ADRA1D: variants seen among roughly 807,000 people sequenced by gnomAD.
ADRA1D encodes the protein adrenoceptor alpha 1D, also known as alpha-1D adrenergic receptor.
ADRA1D carries 22 observed loss-of-function variants against 18.6 expected under a neutral mutation model. The observed-to-expected ratio is 1.19, with a 90% confidence interval of 0.85 to 1.69. ADRA1D has a LOEUF of 1.69. ADRA1D is among the 40% of genes most tolerant of loss of function. The pLI, the probability that ADRA1D is intolerant of heterozygous loss-of-function variation, is 0.00. For missense variants in ADRA1D, 840 were observed against 840.7 expected (o/e 1.00, Z 0.01); for synonymous variants, 376 against 388.2 (o/e 0.97, Z 0.37).
Position 4,248,806 on chromosome 20 carries a change from C to T in ADRA1D, c.152G>A (p.Gly51Asp). ...PAVGGVPGGA[G>D]GGGGVVGAGS... ...TGCGCCCACCACGCCGCCGCCGCCG[C>T]CCGCGCCCCCCGGCACGCCGCCCAC... Residue 51 changes from glycine (G) to aspartate (D), a missense_variant, in exon 1 of 2, where the codon GGC (glycine) becomes GAC (aspartate). Gly to Asp is a moderately conservative substitution (Grantham distance 94). Coordinates refer to ENST00000379453, the MANE Select transcript of ADRA1D (RefSeq NM_000678.4). The T allele has an allele frequency of 9.1e-7, 1 of 1,099,188 alleles. No individual in the cohort carries two copies. Among genetic ancestry groups the T allele is most frequent in the Non-Finnish European group, 1.1e-6 (1 of 905,034 alleles). 68.1% of individuals were successfully genotyped at this position (1,099,188 alleles called of 1,614,324 possible).
At position 4,221,879 on chromosome 20, in the gene ADRA1D, C is replaced by T. The variant is rs1333152018; in HGVS notation, c.1363G>A (p.Asp455Asn). 1.4e-6 allele frequency: 2 copies of T among 1,469,816 alleles called. No homozygotes were observed. The highest frequency in any genetic ancestry group is 2.7e-5 in the East Asian group (1 of 37,192). 91.0% of individuals were successfully genotyped at this position (1,469,816 alleles called of 1,614,324 possible). The change falls in exon 2 of 2, where the codon GAC becomes AAC. Residue 455 changes from aspartate to asparagine, a missense_variant. By Grantham distance (23) the Asp-to-Asn change is conservative. Transcript: ENST00000379453. ...LRQDCAPSSG[D>N]APPGAPLALT... ...GCCAGCGGCGCTCCGGGGGGCGCGT[C>T]GCCCGAACTCGGGGCGCAGTCCTGG...
Position 4,221,379 on chromosome 20 carries a change from A to T in ADRA1D, c.*144T>A. 1 of 913,472 alleles carries T rather than the reference A, an allele frequency of 1.1e-6. No homozygotes were observed. The allele number at this position is 913,472 out of a possible 1,614,324, so 56.6% of individuals were successfully genotyped here. ...AGGGCTCCAGCCTCAAGCTCTGCCC[A>T]GTTCCTCAGGGATGTCACAGAGCAG... On this transcript the variant is annotated 3_prime_UTR_variant, in exon 2 of 2. Transcript: ENST00000379453.
At chr20:4,241,963 G>A (rs999266636) in intron 1 of ADRA1D, among the ~76,000 whole-genome samples, 11 of 152,196 alleles carry the variant, frequency 7.2e-5, no homozygotes, top group African/African-American at 2.7e-4. Flanking sequence ...ACAGCCTGAT[G>A]GCTCTGCATA....
At chr20:4,245,058 G>C (rs957653050) in intron 1 of ADRA1D, among the ~76,000 whole-genome samples, 9 of 152,236 alleles carry the variant, frequency 5.9e-5, no homozygotes, top group African/African-American at 2.2e-4. Flanking sequence ...TGCCAGCAAG[G>C]AGCAAAGGTC....
At chr20:4,231,981 T>A (rs896889331) in intron 1 of ADRA1D, among the ~76,000 whole-genome samples, 3 of 152,152 alleles carry the variant, frequency 2.0e-5, no homozygotes, top group Non-Finnish European at 4.4e-5. Flanking sequence ...GGCGTGATCC[T>A]GGCTCACTGC....
intron 1 of ADRA1D, among the ~76,000 whole-genome samples, chr20:4,235,821 A>AGGGTGCACGGTGGGGCTGGG (rs1981075230): frequency 1.3e-5 from 2 of 152,244 alleles, no homozygotes; most frequent in East Asian, 1.9e-4. Context: ...CAGCGTGCTC[A>AGGGTGCACGGTGGGGCTGGG]GGGTGCACGG....
At chr20:4,245,304 G>A (rs770202840) in intron 1 of ADRA1D, among the ~76,000 whole-genome samples, 2 of 152,298 alleles carry the variant, frequency 1.3e-5, no homozygotes, top group East Asian at 1.9e-4. Flanking sequence ...ACGGTGATAC[G>A]CATGGCAAGG....
chr20:4,223,157 A>C (rs772720630), intron 1 of ADRA1D, among the ~76,000 whole-genome samples: 60 of 147,806 alleles, frequency 4.1e-4, no homozygotes, highest in Non-Finnish European at 7.0e-4. Flanking sequence ...AGATAATTCA[A>C]TAGAGAAAGG....
intron 1 of ADRA1D, 47 bp downstream of exon 1, chr20:4,247,800 T>C (rs1981369756): frequency 6.9e-7 from 1 of 1,449,106 alleles, no homozygotes; most frequent in Non-Finnish European, 9.1e-7. Flanking sequence ...GGCACCGCCA[T>C]AGGCTCAGGG....
intron 1 of ADRA1D, among the ~76,000 whole-genome samples, chr20:4,235,193 G>A (rs536062542): frequency 4.6e-5 from 7 of 152,010 alleles, no homozygotes; most frequent in South Asian, 2.1e-4. Context: ...CTGTGCCCTC[G>A]TGTTTGCTTC....
chr20:4,221,855 C>A lies in ADRA1D; in HGVS notation c.1387G>T (p.Ala463Ser), dbSNP rs1356785793. The stretch of plus-strand genomic sequence containing the variant: ...TCGGGGTCGGGGAGCGCGGTGAGGG[C>A]CAGCGGCGCTCCGGGGGGCGCGTCG... ...SGDAPPGAPL[A>S]LTALPDPDPE... Residue 463 changes from alanine (A) to serine (S), a missense_variant, in exon 2 of 2, where the codon GCC (alanine) becomes TCC (serine). Transcript: ENST00000379453. 6.8e-7 allele frequency: 1 copy of A among 1,470,160 alleles called. No homozygotes were observed. The highest frequency in any genetic ancestry group is 2.6e-5 in the East Asian group (1 of 37,770). The allele number at this position is 1,470,160 out of a possible 1,614,324, so 91.1% of individuals were successfully genotyped here.
At chr20:4,240,301 C>T (rs1981182835) in intron 1 of ADRA1D, among the ~76,000 whole-genome samples, 2 of 152,120 alleles carry the variant, frequency 1.3e-5, no homozygotes, top group African/African-American at 4.8e-5. Context: ...GTGGATTCTG[C>T]TTCAAACAAA....
chr20:4,230,516 G>T (rs935539298), intron 1 of ADRA1D, among the ~76,000 whole-genome samples: 5 of 152,154 alleles, frequency 3.3e-5, no homozygotes, highest in African/African-American at 1.2e-4. Flanking sequence ...TTTTGCTTAG[G>T]TGGCGGCAGC....
rs1224100594 is a variant in ADRA1D, at chr20:4,248,476, A to G, written c.482T>C (p.Phe161Ser). The G allele has an allele frequency of 3.7e-6, 6 of 1,613,382 alleles. No individual in the cohort carries two copies. The African/African-American group carries it at 8.0e-5, about 22-fold the overall frequency. Residue 161 changes from phenylalanine (F) to serine (S), a missense_variant, in exon 1 of 2, where the codon TTC becomes TCC. Coordinates refer to ENST00000379453, the MANE Select transcript of ADRA1D (RefSeq NM_000678.4). ...GCAGAAGGCGCGGCCAAAGGCCCAG[A>G]AGCCCAGAACCTCCATGGTGGCCGA... ...PFSATMEVLG[F>S]WAFGRAFCDV...
chr20:4,247,129 G>T (rs1468303262), intron 1 of ADRA1D, among the ~76,000 whole-genome samples: 1 of 152,240 alleles, frequency 6.6e-6, no homozygotes, highest in Non-Finnish European at 1.5e-5. Context: ...TACCTCCCAG[G>T]ACTGCAGCAC....
At chr20:4,228,576 G>C (rs1980875511) in intron 1 of ADRA1D, among the ~76,000 whole-genome samples, 1 of 152,184 alleles carries the variant, frequency 6.6e-6, no homozygotes, top group African/African-American at 2.4e-5. Flanking sequence ...GGAACATATA[G>C]TTACCTACAG....
rs1321584927 is a variant in ADRA1D at position 4,222,655 on chromosome 20, C to T, written c.1112-525G>A. On this transcript the variant is annotated intron_variant, in intron 1 of 1. Transcript: ENST00000379453. This position sits in a 1 kb window ranked among gnomAD's most constrained non-coding sequence, Gnocchi z 4.3. ...TGATAAATGACCCTAGTCCTTGCCT[C>T]TTCCTACACAGAAGATAACGTCTGA... Among the ~76,000 whole-genome samples, 2 of 152,186 alleles carry T rather than the reference C, an allele frequency of 1.3e-5. No individual in the cohort carries two copies. The highest frequency in any genetic ancestry group is 4.8e-5 in the African/African-American group (2 of 41,436).
rs774935708 is a variant in ADRA1D, at chr20:4,221,626, ACCTCTGAGCGCTGGGCGCACGCTG to A, written c.1592_1615del (p.Ala531_Glu538del). ...TGGGACGCCTAGGGACACAGCCTCC[ACCTCTGAGCGCTGGGCGCACGCTG>A]CCTCTGCGCGCTGCGCGCCCCCGGC... is the stretch of plus-strand genomic sequence containing the variant. On this transcript the variant is annotated inframe_deletion, in exon 2 of 2. Coordinates refer to ENST00000379453, the MANE Select transcript of ADRA1D (RefSeq NM_000678.4). 113 of 1,613,204 alleles carry A rather than the reference ACCTCTGAGCGCTGGGCGCACGCTG, an allele frequency of 7.0e-5. 1 individual carries two copies. The highest frequency in any genetic ancestry group is 1.6e-4 in the Middle Eastern group (1 of 6,078).
chr20:4,247,216 A>G (rs992148904), intron 1 of ADRA1D, among the ~76,000 whole-genome samples: 1 of 152,222 alleles, frequency 6.6e-6, no homozygotes, highest in Non-Finnish European at 1.5e-5. Flanking sequence ...GATTAACAAT[A>G]TGAACTTTCC....
Sources: gnomAD v4.1 joint callset for allele counts (sites outside exome capture counted in the v4.1 genomes callset) on GRCh38, gnomAD v4.1.1 for gene constraint, Gnocchi (gnomAD v3.1) non-coding constraint, MANE v1.5 for transcripts, NCBI Gene and HGNC (gene_info 2026-07-23, HGNC 2026-07-21) for gene names.